Variants in AGBL1 observed in about 807,000 individuals in gnomAD.
AGBL1 encodes cytosolic carboxypeptidase 4.
Under a neutral mutation model 118.9 loss-of-function variants are expected in AGBL1, and 130 were observed. The ratio of observed to expected loss-of-function variants is 1.09; its 90% CI spans 0.95 to 1.26. The LOEUF (loss-of-function observed/expected upper bound fraction) is 1.26, where lower values mean the gene tolerates loss of function less well. Among genes scored for constraint, AGBL1 ranks in the 50% most tolerant of loss-of-function variants. The probability of loss-of-function intolerance (pLI) is 0.00; values close to 1 mark genes in which losing one functional copy is unlikely to be tolerated. For synonymous variants in AGBL1, 555 were observed against 478.9 expected (o/e 1.16, Z -2.08); for missense variants, 1,584 against 1,298.1 (o/e 1.22, Z -3.38).
intron 21 of AGBL1, among the ~76,000 whole-genome samples, chr15:86,673,764 T>C (rs926564250): frequency 1.3e-5 from 2 of 152,168 alleles, no homozygotes; most frequent in African/African-American, 4.8e-5. Context: ...TACAGCTGAA[T>C]AGGGGGTTCT....
chr15:86,504,736 T>C (rs1248454540), intron 18 of AGBL1, among the ~76,000 whole-genome samples: 1 of 151,718 alleles, frequency 6.6e-6, no homozygotes, highest in African/African-American at 2.4e-5. Context: ...CGTCTTCATA[T>C]ATTGTAGACA....
At chr15:86,944,633 A>G (rs547005896) in intron 23 of AGBL1, among the ~76,000 whole-genome samples, 177 of 152,360 alleles carry the variant, frequency 1.2e-3, no homozygotes, top group Non-Finnish European at 2.0e-3. Flanking sequence ...AAGATAGTCC[A>G]AGAATATGTA....
intron 23 of AGBL1, among the ~76,000 whole-genome samples, chr15:86,929,283 G>A (rs1264639348): frequency 6.6e-6 from 1 of 152,212 alleles, no homozygotes; most frequent in Non-Finnish European, 1.5e-5. Context: ...GGGAAAGATT[G>A]AAGGTTGAGA....
At chr15:86,626,617 T>C (rs765243731) in intron 21 of AGBL1, among the ~76,000 whole-genome samples, 1 of 152,138 alleles carries the variant, frequency 6.6e-6, no homozygotes, top group Non-Finnish European at 1.5e-5. Flanking sequence ...AGTTTACCTA[T>C]GTAACAAACC....
chr15:86,704,577 A>G (rs557489381), intron 22 of AGBL1, among the ~76,000 whole-genome samples: 1 of 152,334 alleles, frequency 6.6e-6, no homozygotes, highest in Non-Finnish European at 1.5e-5. Flanking sequence ...TCAAAACCAC[A>G]ATAAGATGCC....
intron 22 of AGBL1, among the ~76,000 whole-genome samples, chr15:86,735,956 A>C (rs143339519): frequency 7.2e-5 from 11 of 152,142 alleles, no homozygotes; most frequent in African/African-American, 2.7e-4. Context: ...TTTTAATTGT[A>C]CAGCAAATAT....
chr15:86,659,625 A>G (rs1194859366), intron 21 of AGBL1, among the ~76,000 whole-genome samples: 1 of 152,122 alleles, frequency 6.6e-6, no homozygotes, highest in Non-Finnish European at 1.5e-5. Flanking sequence ...CAACCGTAAG[A>G]TCTAACCTGA....
rs74025415 is a variant in AGBL1, at chr15:86,679,178, C to G, written c.3158+4742C>G. Among the ~76,000 whole-genome samples the G allele has an allele frequency of 2.4e-3, 365 of 152,098 alleles. 4 individuals are homozygous for G. Among genetic ancestry groups the G allele is most frequent in the Middle Eastern group, 0.017 (5 of 294 alleles). On this transcript the variant is annotated intron_variant, in intron 22 of 22. Transcript: ENST00000614907. ...ATAGATATTTTTGGTCTATTGAGTG[C>G]TCGTCTATGTTACTTTTATAAAATC... is the stretch of plus-strand genomic sequence containing the variant.
intron 22 of AGBL1, among the ~76,000 whole-genome samples, chr15:86,806,005 T>C (rs1416466877): frequency 3.9e-5 from 6 of 152,160 alleles, no homozygotes; most frequent in Non-Finnish European, 8.8e-5. Flanking sequence ...AGAGACTTTT[T>C]CCTGCCAAGA....
intron 22 of AGBL1, among the ~76,000 whole-genome samples, chr15:86,897,917 C>A (rs527686035): frequency 6.6e-6 from 1 of 151,784 alleles, no homozygotes; most frequent in East Asian, 1.9e-4. Context: ...GAACTACAGG[C>A]ACGTGCCACC....
chr15:86,467,678 A>G lies in AGBL1; in HGVS notation c.2556-55132A>G, dbSNP rs534468113. Among the ~76,000 whole-genome samples, 40 of 152,340 alleles carry G rather than the reference A, an allele frequency of 2.6e-4. No homozygotes were observed. The South Asian group carries it at 7.0e-3, about 27-fold the overall frequency. ...AGGTATAGTGTCTTGGCCAGAATGC[A>G]CTGCCCCTCATCACACAGTATTTCA... is the stretch of plus-strand genomic sequence containing the variant. On this transcript the variant is annotated intron_variant, in intron 18 of 22. Transcript: ENST00000614907.
chr15:86,492,058 T>G (rs1461179224), intron 18 of AGBL1, among the ~76,000 whole-genome samples: 1 of 152,072 alleles, frequency 6.6e-6, no homozygotes, highest in African/African-American at 2.4e-5. Context: ...GATAACACAA[T>G]CCCTACCCTC....
At chr15:86,693,617 T>C (rs1156236142) in intron 22 of AGBL1, among the ~76,000 whole-genome samples, 2 of 152,136 alleles carry the variant, frequency 1.3e-5, no homozygotes, top group Admixed American at 6.6e-5. Flanking sequence ...TATTTATCTT[T>C]GTTTTTGTTG....
intron 21 of AGBL1, among the ~76,000 whole-genome samples, chr15:86,582,512 G>C (rs539596818): frequency 6.6e-6 from 1 of 152,060 alleles, no homozygotes; most frequent in East Asian, 1.9e-4. Context: ...CCATTACTGC[G>C]TATATACCCA....
At chr15:86,598,674 T>A (rs932619782) in intron 21 of AGBL1, among the ~76,000 whole-genome samples, 1 of 152,116 alleles carries the variant, frequency 6.6e-6, no homozygotes, top group Non-Finnish European at 1.5e-5. Context: ...TTCCCACTGT[T>A]GGGAACACTG....
At chr15:86,985,744 G>C (rs940699148) in intron 23 of AGBL1, among the ~76,000 whole-genome samples, 1 of 151,972 alleles carries the variant, frequency 6.6e-6, no homozygotes, top group African/African-American at 2.4e-5. Context: ...GAAGTCCAAC[G>C]TATCAACATT....
chr15:86,645,733 C>G (rs1184179675), intron 21 of AGBL1, among the ~76,000 whole-genome samples: 1 of 152,158 alleles, frequency 6.6e-6, no homozygotes, highest in East Asian at 1.9e-4. Flanking sequence ...AGGTCAAGTA[C>G]TCAGTCCAAG....
rs1185013549 is a variant in AGBL1 at position 86,827,372 on chromosome 15, T to C, written c.3159-79715T>C. Reference sequence around the variant, plus strand: ...ATATATATATATATATGTGTGTGTATATATATATATACACATATATATATA... The same window carrying C: ...ATATATATATATATATGTGTGTGTACATATATATATACACATATATATATA... On this transcript the variant is annotated intron_variant, in intron 22 of 22. Coordinates refer to ENST00000614907, the MANE Select transcript of AGBL1 (RefSeq NM_001386094.1). 0.022 allele frequency among the ~76,000 whole-genome samples: 172 copies of C among 7,906 alleles called. 26 individuals carry two copies. The East Asian group carries it at 0.35, about 16-fold the overall frequency. 5.2% of individuals were successfully genotyped at this position (7,906 alleles called of 152,430 possible). A position where few individuals can be genotyped will look rare whatever the true frequency, so the allele number is the denominator to read the frequency against.
chr15:86,166,906 A>T (rs1246626630), intron 5 of AGBL1, among the ~76,000 whole-genome samples: 16 of 152,114 alleles, frequency 1.1e-4, no homozygotes, highest in Non-Finnish European at 2.4e-4. Flanking sequence ...ACGGTCCTCT[A>T]CAGAAATTGC....
Sources: gnomAD v4.1 joint callset for allele counts (sites outside exome capture counted in the v4.1 genomes callset) on GRCh38, gnomAD v4.1.1 for gene constraint, MANE v1.5 for transcripts, NCBI Gene and HGNC (gene_info 2026-07-23, HGNC 2026-07-21) for gene names.